Variants in DIS3L2 observed in about 807,000 individuals in gnomAD.
DIS3L2 encodes DIS3 like 3'-5' exoribonuclease 2.
DIS3L2 carries 34 observed loss-of-function variants against 97.5 expected under a neutral mutation model. That is an observed-to-expected ratio of 0.35 (90% CI 0.27 to 0.46). The LOEUF is 0.46. DIS3L2 is among the 20% of genes least tolerant of loss of function. DIS3L2 has a pLI of 1.00. For missense variants in DIS3L2, 1,038 were observed against 1,146.0 expected (o/e 0.91, Z 1.36); for synonymous variants, 435 against 445.2 (o/e 0.98, Z 0.29).
At chr2:232,193,053 G>A (rs80152814) in intron 9 of DIS3L2, among the ~76,000 whole-genome samples, 530 of 152,166 alleles carry the variant, frequency 3.5e-3, no homozygotes, top group African/African-American at 0.012. Context: ...GGTGCTCTCC[G>A]GGCCCATCCA....
At chr2:232,221,100 T>TAAAA (rs1692493529) in intron 10 of DIS3L2, among the ~76,000 whole-genome samples, 1 of 12,278 alleles carries the variant, frequency 8.1e-5, no homozygotes. Context: ...AGACTTCATC[T>TAAAA]CAAAAAAAAA....
At chr2:232,334,080 C>T (rs1387222881) in intron 17 of DIS3L2, 93 bp downstream of exon 17, 69 of 1,501,602 alleles carry the variant, frequency 4.6e-5, no homozygotes, top group East Asian at 7.0e-5. Context: ...ACCATTCTGC[C>T]GTGACAGCGG....
rs559594789 is a variant in DIS3L2 at position 232,269,957 on chromosome 2, G to A, written c.1659+6517G>A. Among the ~76,000 whole-genome samples the A allele has an allele frequency of 1.3e-4, 20 of 152,280 alleles. No homozygotes were observed. The highest frequency in any genetic ancestry group is 3.9e-4 in the African/African-American group (16 of 41,554). ...GAGGGCCTAACCTGAGGTAGGGACC[G>A]TGGGGTGAGAGAAGATGATGGACCG... On this transcript the variant is annotated intron_variant, in intron 13 of 20. Transcript: ENST00000325385. The surrounding 1 kb of genome is among the most constrained non-coding windows in gnomAD (Gnocchi z 4.5).
intron 14 of DIS3L2, chr2:232,307,616 T>G (rs1695022444): frequency 6.6e-6 from 1 of 152,184 alleles, no homozygotes; most frequent in South Asian, 2.1e-4. Context: ...AAGGCTATAC[T>G]CTTGTTCACG....
At chr2:232,297,115 C>T (rs1694743394) in intron 13 of DIS3L2, among the ~76,000 whole-genome samples, 2 of 152,212 alleles carry the variant, frequency 1.3e-5, no homozygotes, top group South Asian at 4.1e-4. Context: ...CACTGCACCT[C>T]CGTAAGCCAA....
rs1693896365 is a variant in DIS3L2, at chr2:232,268,073, A to T, written c.1659+4633A>T. ...AGGGCTTCCATGTAAAATAAGCATG[A>T]GGTTTGCAGGAAGCTGTGCACCATC... is the stretch of plus-strand genomic sequence containing the variant. On this transcript the variant is annotated intron_variant, in intron 13 of 20. Transcript: ENST00000325385. The surrounding 1 kb of genome is among the most constrained non-coding windows in gnomAD (Gnocchi z 4.1). Among the ~76,000 whole-genome samples the T allele has an allele frequency of 6.6e-6, 1 of 152,188 alleles. No individual in the cohort carries two copies. The highest frequency in any genetic ancestry group is 1.5e-5 in the Non-Finnish European group (1 of 68,042).
chr2:232,067,596 T>C (rs1272255004), intron 5 of DIS3L2, among the ~76,000 whole-genome samples: 3 of 152,234 alleles, frequency 2.0e-5, no homozygotes, highest in Non-Finnish European at 2.9e-5. Context: ...CTTGAACTTA[T>C]ATCTGCAGTT....
Position 232,270,614 on chromosome 2 carries a change from C to G in DIS3L2, c.1659+7174C>G, listed in dbSNP as rs76401153. 1.4e-4 allele frequency among the ~76,000 whole-genome samples: 22 copies of G among 152,270 alleles called. No individual in the cohort carries two copies. In the East Asian group the frequency reaches 2.5e-3, roughly 17 times the overall value. ...TACCATGGCCATGGCCATCTGTGTT[C>G]GTAAATCTTTGACCTGATCTCTGAT... On this transcript the variant is annotated intron_variant, in intron 13 of 20. Coordinates refer to ENST00000325385, the MANE Select transcript of DIS3L2 (RefSeq NM_152383.5).
chr2:232,004,013 G>T (rs181987937), intron 1 of DIS3L2, among the ~76,000 whole-genome samples: 1 of 152,146 alleles, frequency 6.6e-6, no homozygotes, highest in East Asian at 1.9e-4. Flanking sequence ...GATGTTTTTA[G>T]CCAGTGTTTC....
chr2:232,333,783 C>CT, intron 16 of DIS3L2, 57 bp from the exon 17 acceptor site: 1 of 1,541,216 alleles, frequency 6.5e-7, no homozygotes, highest in Non-Finnish European at 8.7e-7. Flanking sequence ...TGCCAGCCTT[C>CT]CAGGCCTGGC....
intron 1 of DIS3L2, among the ~76,000 whole-genome samples, chr2:231,965,200 G>C (rs1160375718): frequency 6.6e-6 from 1 of 152,206 alleles, no homozygotes; most frequent in African/African-American, 2.4e-5. Flanking sequence ...AGTTTAAGTA[G>C]TTACTGTTTC....
intron 9 of DIS3L2, among the ~76,000 whole-genome samples, chr2:232,203,038 A>G (rs1691939779): frequency 1.3e-5 from 2 of 152,212 alleles, no homozygotes; most frequent in South Asian, 2.1e-4. Context: ...CAATGGTACA[A>G]TTGGGAACAC....
At chr2:232,166,072 CAATAAATAAATAAATAAATA>C (rs111484613) in intron 9 of DIS3L2, among the ~76,000 whole-genome samples, 2 of 138,136 alleles carry the variant, frequency 1.4e-5, no homozygotes, top group Non-Finnish European at 3.1e-5. Flanking sequence ...CCTGTCTCTA[CAATAAATAAATAAATAAATA>C]AATAAATAAA....
chr2:232,221,606 C>T (rs1188117781), intron 10 of DIS3L2, among the ~76,000 whole-genome samples: 4 of 152,086 alleles, frequency 2.6e-5, no homozygotes, highest in Admixed American at 6.5e-5. Flanking sequence ...GAGTTAGAGA[C>T]CAGCCTGGCC....
chr2:232,147,679 T>A (rs1055637492), intron 8 of DIS3L2, among the ~76,000 whole-genome samples: 11 of 152,328 alleles, frequency 7.2e-5, no homozygotes, highest in African/African-American at 2.4e-4. Context: ...AGACAGAAAC[T>A]ACTTAGAAAG....
chr2:232,073,419 A>G (rs1204421695), intron 5 of DIS3L2, among the ~76,000 whole-genome samples: 1 of 152,208 alleles, frequency 6.6e-6, no homozygotes, highest in Non-Finnish European at 1.5e-5. Flanking sequence ...GTCTGTGGAC[A>G]TGGGTATATG....
chr2:232,309,363 G>A (rs1416972207), intron 14 of DIS3L2, among the ~76,000 whole-genome samples: 1 of 152,178 alleles, frequency 6.6e-6, no homozygotes. Context: ...ACATATGGAG[G>A]AAGATGCCTG....
At chr2:232,248,807 T>G (rs1366248971) in intron 11 of DIS3L2, among the ~76,000 whole-genome samples, 1 of 152,228 alleles carries the variant, frequency 6.6e-6, no homozygotes, top group Admixed American at 6.5e-5. Flanking sequence ...TACTAAAACA[T>G]TGATTCAACA....
chr2:232,319,997 C>A (rs1465124091), intron 14 of DIS3L2, among the ~76,000 whole-genome samples: 2 of 152,218 alleles, frequency 1.3e-5, no homozygotes, highest in Admixed American at 1.3e-4. Flanking sequence ...TGTGCGAGAG[C>A]ACTCAGCAGT....
Sources: gnomAD v4.1 joint callset for allele counts (sites outside exome capture counted in the v4.1 genomes callset) on GRCh38, gnomAD v4.1.1 for gene constraint, Gnocchi (gnomAD v3.1) non-coding constraint, MANE v1.5 for transcripts, NCBI Gene and HGNC (gene_info 2026-07-23, HGNC 2026-07-21) for gene names.